TRPS1: variants seen among roughly 807,000 people sequenced by gnomAD.
TRPS1 encodes the protein zinc finger transcription factor Trps1.
In TRPS1, 6 loss-of-function variants were observed where a neutral mutation model predicts 101.2. The observed-to-expected ratio is 0.06, with a 90% CI of 0.03 to 0.12. The LOEUF is 0.12. TRPS1 is among the 10% of genes least tolerant of loss of function. The probability of loss-of-function intolerance (pLI) is 1.00; values close to 1 mark genes in which losing one functional copy is unlikely to be tolerated. For synonymous variants in TRPS1, 578 were observed against 589.8 expected (o/e 0.98, Z 0.29); for missense variants, 1,363 against 1,567.0 (o/e 0.87, Z 2.20).
At chr8:115,431,085 T>A (rs901681858) in intron 5 of TRPS1, among the ~76,000 whole-genome samples, 6 of 152,016 alleles carry the variant, frequency 3.9e-5, no homozygotes, top group Admixed American at 2.6e-4. Flanking sequence ...ATGTTGGAGT[T>A]CTCTCAATTC....
rs116799586 is a variant in TRPS1, at chr8:115,444,129, G to A, written c.2701-25677C>T. Among the ~76,000 whole-genome samples, 1,463 of 152,226 alleles carry A rather than the reference G, an allele frequency of 9.6e-3. 21 individuals are homozygous for A. Among genetic ancestry groups the A allele is most frequent in the African/African-American group, 0.033 (1,384 of 41,514 alleles). ...CTTACCCCTTTGATCCCTCTACATGGGATCACATGCCAGCTACAAAGACTG... is the reference window on the plus strand; with the variant it reads ...CTTACCCCTTTGATCCCTCTACATGAGATCACATGCCAGCTACAAAGACTG... On this transcript the variant is annotated intron_variant, in intron 5 of 6. Coordinates refer to ENST00000395715, the MANE Select transcript of TRPS1 (RefSeq NM_014112.5).
chr8:115,495,538 T>G (rs1371278782), intron 5 of TRPS1, among the ~76,000 whole-genome samples: 1 of 151,082 alleles, frequency 6.6e-6, no homozygotes, highest in Non-Finnish European at 1.5e-5. Context: ...ATCAGAATCC[T>G]TTTTCCTATT....
chr8:115,621,379 T>C (rs1818389193), intron 2 of TRPS1, among the ~76,000 whole-genome samples: 2 of 152,200 alleles, frequency 1.3e-5, no homozygotes, highest in African/African-American at 2.4e-5. Flanking sequence ...ATCCAAAACA[T>C]GCTGAGAAAA....
At chr8:115,622,146 G>A (rs532293704) in intron 2 of TRPS1, among the ~76,000 whole-genome samples, 88 of 152,178 alleles carry the variant, frequency 5.8e-4, no homozygotes, top group Admixed American at 5.7e-3. Context: ...CCATCTTGGT[G>A]TCATTCTATT....
intron 3 of TRPS1, among the ~76,000 whole-genome samples, chr8:115,609,553 C>A (rs571649971): frequency 2.0e-5 from 3 of 152,238 alleles, no homozygotes; most frequent in Admixed American, 6.5e-5. Flanking sequence ...GATTCGCTGG[C>A]CACAGTACTT....
chr8:115,551,997 C>T lies in TRPS1; in HGVS notation c.2700+35004G>A, dbSNP rs1479455852. Among the ~76,000 whole-genome samples the T allele has an allele frequency of 2.0e-5, 3 of 152,260 alleles. 1 individual carries two copies. The highest frequency in any genetic ancestry group is 6.8e-3 in the Middle Eastern group (2 of 294). The stretch of plus-strand genomic sequence containing the variant: ...TCATCTTGCAGACACTAATGAGCAT[C>T]GCTCTTCAGCTTTAATTATTGGTCC... On this transcript the variant is annotated intron_variant, in intron 5 of 6. Transcript: ENST00000395715.
chr8:115,524,887 G>GT (rs1563574512), intron 5 of TRPS1, among the ~76,000 whole-genome samples: 1 of 152,068 alleles, frequency 6.6e-6, no homozygotes, highest in Non-Finnish European at 1.5e-5. Context: ...ATAGATATAT[G>GT]TAACACTATA....
At chr8:115,461,766 C>T (rs1814186193) in intron 5 of TRPS1, among the ~76,000 whole-genome samples, 1 of 152,124 alleles carries the variant, frequency 6.6e-6, no homozygotes, top group Non-Finnish European at 1.5e-5. Flanking sequence ...GAGTAAAAAT[C>T]AGACTATTTT....
At chr8:115,501,300 A>G (rs1489773929) in intron 5 of TRPS1, among the ~76,000 whole-genome samples, 2 of 152,224 alleles carry the variant, frequency 1.3e-5, no homozygotes, top group East Asian at 3.8e-4. Context: ...GTTAGGTGGT[A>G]GAGAACCTGA....
At chr8:115,482,567 T>C (rs1035833600) in intron 5 of TRPS1, among the ~76,000 whole-genome samples, 1 of 152,218 alleles carries the variant, frequency 6.6e-6, no homozygotes, top group Non-Finnish European at 1.5e-5. Flanking sequence ...CCCAATACTT[T>C]CAAGTTTAAC....
chr8:115,548,026 T>G (rs920515889), intron 5 of TRPS1, among the ~76,000 whole-genome samples: 2 of 151,240 alleles, frequency 1.3e-5, no homozygotes, highest in Non-Finnish European at 2.9e-5. Flanking sequence ...GGTCAGGAGT[T>G]CAAGACCAGC....
At chr8:115,533,167 C>A (rs1466503696) in intron 5 of TRPS1, among the ~76,000 whole-genome samples, 1 of 152,100 alleles carries the variant, frequency 6.6e-6, no homozygotes, top group African/African-American at 2.4e-5. Context: ...CTAGCTTGAG[C>A]AAACTTTTAA....
intron 5 of TRPS1, among the ~76,000 whole-genome samples, chr8:115,478,942 T>C (rs1027402201): frequency 6.7e-6 from 1 of 149,072 alleles, no homozygotes. Context: ...TATATGTATA[T>C]AAATGTATAC....
intron 1 of TRPS1, chr8:115,667,979 T>A: frequency 2.2e-6 from 3 of 1,337,834 alleles, no homozygotes; most frequent in Non-Finnish European, 3.1e-6. Context: ...CACCTCCAGC[T>A]CCTCCGCTGC....
At chr8:115,429,057 G>A (rs1197679997) in intron 5 of TRPS1, among the ~76,000 whole-genome samples, 6 of 152,274 alleles carry the variant, frequency 3.9e-5, no homozygotes, top group Admixed American at 1.3e-4. Flanking sequence ...TTTAAAAGAC[G>A]AAGTGGAATT....
At chr8:115,461,024 G>A (rs894586525) in intron 5 of TRPS1, among the ~76,000 whole-genome samples, 9 of 152,190 alleles carry the variant, frequency 5.9e-5, no homozygotes, top group Admixed American at 1.3e-4. Flanking sequence ...AGAGCTTCAC[G>A]CAAGGTTTCA....
chr8:115,668,113 CCCCGGCGGCTGAA>C, intron 1 of TRPS1: 1 of 601,922 alleles, frequency 1.7e-6, no homozygotes, highest in Non-Finnish European at 2.9e-6. Context: ...TTTTCCTCCT[CCCCGGCGGCTGAA>C]CTTGACCCTG....
chr8:115,615,070 T>C (rs1818247947), intron 3 of TRPS1, among the ~76,000 whole-genome samples: 1 of 152,200 alleles, frequency 6.6e-6, no homozygotes, highest in Non-Finnish European at 1.5e-5. Context: ...GTAACACTCC[T>C]AGCTCAAACA....
At chr8:115,582,113 A>G (rs976460231) in intron 5 of TRPS1, among the ~76,000 whole-genome samples, 115 of 152,324 alleles carry the variant, frequency 7.5e-4, no homozygotes, top group African/African-American at 2.7e-3. Flanking sequence ...TTACTTATGC[A>G]CATGTAAAAA....
Sources: allele counts gnomAD v4.1 joint callset (sites outside exome capture counted in the v4.1 genomes callset), GRCh38; gene constraint gnomAD v4.1.1; transcripts MANE v1.5; gene names NCBI Gene and HGNC (gene_info 2026-07-23, HGNC 2026-07-21).